Variants in B4GALNT3 observed in about 807,000 individuals in gnomAD.
B4GALNT3 encodes the protein beta-1,4-N-acetyl-galactosaminyltransferase 3.
Under a neutral mutation model 120.2 loss-of-function variants are expected in B4GALNT3, and 86 were observed. The ratio of observed to expected loss-of-function variants is 0.72; its 90% CI spans 0.60 to 0.86. The LOEUF (loss-of-function observed/expected upper bound fraction) is 0.86, where lower values mean the gene tolerates loss of function less well. B4GALNT3 is among the 40% of genes least tolerant of loss of function. The probability of loss-of-function intolerance (pLI) is 0.00; values close to 1 mark genes in which losing one functional copy is unlikely to be tolerated. For missense variants in B4GALNT3, 1,167 were observed against 1,298.9 expected, an observed-to-expected ratio of 0.90 and a Z score of 1.56; for synonymous variants, 518 against 510.4, an observed-to-expected ratio of 1.01 and a Z score of -0.20.
intron 1 of B4GALNT3, among the ~76,000 whole-genome samples, chr12:516,305 G>A (rs1395782175): frequency 1.3e-5 from 2 of 152,194 alleles, no homozygotes; most frequent in African/African-American, 2.4e-5. Flanking sequence ...ATAGGCTGGA[G>A]GTAGCGTGTT....
At chr12:461,809 A>G (rs752367210) in intron 1 of B4GALNT3, among the ~76,000 whole-genome samples, 7 of 152,060 alleles carry the variant, frequency 4.6e-5, no homozygotes, top group Non-Finnish European at 1.0e-4. Context: ...TTCTGTGGTG[A>G]TGGAAATCAT....
chr12:476,033 T>TC (rs1244948587), intron 1 of B4GALNT3, among the ~76,000 whole-genome samples: 1 of 152,238 alleles, frequency 6.6e-6, no homozygotes, highest in African/African-American at 2.4e-5. Flanking sequence ...TCTTTGGTCC[T>TC]CCATTTCTTC....
In B4GALNT3 at chr12:558,662, G is replaced by T; in HGVS notation, c.2761+1G>T. 2 of 1,613,818 alleles carry T rather than the reference G, an allele frequency of 1.2e-6. No individual in the cohort carries two copies. The highest frequency in any genetic ancestry group is 1.7e-5 in the Admixed American group (1 of 60,024). On this transcript the variant is annotated splice_donor_variant, in intron 18 of 19. Transcript: ENST00000266383. LOFTEE classifies it high-confidence loss of function. ...GGGGCCACCCCCCAGTGGCCTGAGG[G>T]TGAGCCCTGCTCAGACTGGGGAGGG...
chr12:552,997 T>G, intron 13 of B4GALNT3, 197 bp from the exon 14 acceptor site: 1 of 704,824 alleles, frequency 1.4e-6, no homozygotes. Flanking sequence ...ATTATTCCCT[T>G]TATGCAGATG....
chr12:545,572 G>C, intron 6 of B4GALNT3, 103 bp downstream of exon 6: 1 of 1,152,770 alleles, frequency 8.7e-7, no homozygotes, highest in South Asian at 1.5e-5. Flanking sequence ...GTGTGACAGC[G>C]GGGAAGAAGG....
At chr12:512,244 C>T (rs1946586912) in intron 1 of B4GALNT3, among the ~76,000 whole-genome samples, 1 of 57,280 alleles carries the variant, frequency 1.7e-5, no homozygotes, top group Non-Finnish European at 3.2e-5. Context: ...TTCCACCTTC[C>T]ACCTTCTTCC....
chr12:546,918 C>A, intron 7 of B4GALNT3: 1 of 593,240 alleles, frequency 1.7e-6, no homozygotes, highest in Non-Finnish European at 3.0e-6. Flanking sequence ...CCCAGAAGGC[C>A]GTGACTTATT....
chr12:537,373 T>G (rs1157219435), intron 3 of B4GALNT3, among the ~76,000 whole-genome samples: 1 of 152,158 alleles, frequency 6.6e-6, no homozygotes, highest in Non-Finnish European at 1.5e-5. Flanking sequence ...TATCTTTAAC[T>G]TCTGAGTAGC....
In B4GALNT3 at chr12:553,275, G is replaced by A; in HGVS notation, c.1352G>A (p.Arg451Lys). ...CCTGCCTCCAACAACCAGAATGCCA[G>A]GATGCTTGAGGGAAGACAGACACCT... ...ETPASNNQNA[R>K]MLEGRQTPAS... Residue 451 changes from arginine to lysine, a missense_variant, in exon 14 of 20, where the codon AGG becomes AAG. Transcript: ENST00000266383. 2 of 1,613,596 alleles carry A rather than the reference G, an allele frequency of 1.2e-6. No individual in the cohort carries two copies. Among genetic ancestry groups the A allele is most frequent in the Non-Finnish European group, 1.7e-6 (2 of 1,180,022 alleles).
intron 1 of B4GALNT3, among the ~76,000 whole-genome samples, chr12:478,764 G>A (rs1946208268): frequency 6.6e-6 from 1 of 152,212 alleles, no homozygotes; most frequent in Admixed American, 6.5e-5. Context: ...ATCTTGGGAA[G>A]GAAGGGGTGG....
At chr12:528,476 G>C (rs756895742) in intron 1 of B4GALNT3, among the ~76,000 whole-genome samples, 2 of 152,210 alleles carry the variant, frequency 1.3e-5, no homozygotes, top group Non-Finnish European at 2.9e-5. Context: ...TGCCTAACAC[G>C]TAAGTGTTAA....
chr12:503,567 A>G (rs1592026705), intron 1 of B4GALNT3, among the ~76,000 whole-genome samples: 1 of 152,196 alleles, frequency 6.6e-6, no homozygotes, highest in East Asian at 1.9e-4. Context: ...AATGTCTTTA[A>G]GGAACTTGTT....
At chr12:497,387 C>G (rs1946399307) in intron 1 of B4GALNT3, among the ~76,000 whole-genome samples, 1 of 151,834 alleles carries the variant, frequency 6.6e-6, no homozygotes, top group African/African-American at 2.4e-5. Context: ...AGGTGAACCG[C>G]CCGCCTCGGC....
chr12:522,308 A>G (rs537176452), intron 1 of B4GALNT3, among the ~76,000 whole-genome samples: 1 of 152,382 alleles, frequency 6.6e-6, no homozygotes, highest in South Asian at 2.1e-4. Context: ...TGGTCTGTCC[A>G]TACAATAGGA....
In B4GALNT3 at chr12:548,356, G is replaced by T; in HGVS notation, c.853+59G>T. Reference sequence around the variant, plus strand: ...GGCCAGGTGGGGACAGCCTACCCTGGGGGATTTGGCAGGGGAGGAGGGGAG... The same window carrying T: ...GGCCAGGTGGGGACAGCCTACCCTGTGGGATTTGGCAGGGGAGGAGGGGAG... On this transcript the variant is annotated intron_variant, in intron 9 of 19. Coordinates refer to ENST00000266383, the MANE Select transcript of B4GALNT3 (RefSeq NM_173593.4). The surrounding 1 kb of genome is among the most constrained non-coding windows in gnomAD (Gnocchi z 4.9). 1 of 1,548,340 alleles carries T rather than the reference G, an allele frequency of 6.5e-7. No individual in the cohort carries two copies. Among genetic ancestry groups the T allele is most frequent in the African/African-American group, 1.4e-5 (1 of 73,530 alleles).
intron 1 of B4GALNT3, among the ~76,000 whole-genome samples, chr12:464,194 A>G (rs755943729): frequency 2.4e-4 from 36 of 152,244 alleles, no homozygotes; most frequent in Non-Finnish European, 2.1e-4. Context: ...TGGTACGGCT[A>G]TCCTGGTGTG....
intron 3 of B4GALNT3, among the ~76,000 whole-genome samples, chr12:542,145 C>T (rs1450245067): frequency 1.3e-5 from 2 of 152,186 alleles, no homozygotes; most frequent in East Asian, 1.9e-4. Context: ...CTGTGAGTAA[C>T]GGCTGCTTCC....
intron 1 of B4GALNT3, among the ~76,000 whole-genome samples, chr12:512,239 CCTTCCACCTT>C (rs542863258): frequency 0.052 from 4,142 of 79,132 alleles, 344 homozygotes; most frequent in Non-Finnish European, 0.065. Flanking sequence ...CCACCTTCCA[CCTTCCACCTT>C]CTTCCACCTT....
In B4GALNT3 at chr12:550,948, C is replaced by T. The variant is rs144889879; in HGVS notation, c.1024C>T (p.Arg342Cys). The change falls in exon 11 of 20, where the codon CGC becomes TGC. Residue 342 changes from arginine to cysteine, a missense_variant. Transcript: ENST00000266383. The surrounding 1 kb of genome is among the most constrained non-coding windows in gnomAD (Gnocchi z 4.1). ...GCCTCTGATCCCCAAGTCGCATCTCCGCCACGTCCTGCCTGACTGTCCCTA... is the reference window on the plus strand; with the variant it reads ...GCCTCTGATCCCCAAGTCGCATCTCTGCCACGTCCTGCCTGACTGTCCCTA... ...RVPLIPKSHL[R>C]HVLPDCPYKP... 268 of 1,613,900 alleles carry T rather than the reference C, an allele frequency of 1.7e-4. No individual in the cohort carries two copies. Among genetic ancestry groups the T allele is most frequent in the Non-Finnish European group, 2.1e-4 (253 of 1,179,848 alleles).
Sources: gnomAD v4.1 joint callset for allele counts (sites outside exome capture counted in the v4.1 genomes callset) on GRCh38, gnomAD v4.1.1 for gene constraint, Gnocchi (gnomAD v3.1) non-coding constraint, MANE v1.5 for transcripts, NCBI Gene and HGNC (gene_info 2026-07-23, HGNC 2026-07-21) for gene names.